Variants in MEGF9 observed in about 807,000 individuals in gnomAD.
MEGF9 encodes multiple EGF like domains 9.
Under a neutral mutation model 46.8 loss-of-function variants are expected in MEGF9, and 6 were observed. That is an observed-to-expected ratio of 0.13 (90% CI 0.07 to 0.25). The LOEUF is 0.25. Ranked by LOEUF, MEGF9 falls within the 10% of genes least tolerant of loss-of-function variation. MEGF9 has a pLI of 1.00. For synonymous variants in MEGF9, 302 were observed against 330.7 expected (o/e 0.91, Z 0.94); for missense variants, 683 against 792.4 (o/e 0.86, Z 1.66).
chr9:120,605,483 C>G lies in MEGF9; in HGVS notation c.1516G>C (p.Ala506Pro), dbSNP rs764998661. 48 of 1,613,870 alleles carry G rather than the reference C, an allele frequency of 3.0e-5. No homozygotes were observed. The Admixed American group carries it at 3.5e-4, about 12-fold the overall frequency. Reference sequence around the variant, plus strand: ...TTAAATTGGGTCCATGATACATCAGCTAAAGCTGAAGTGCTGTTTTCAGAA... The same window carrying G: ...TTAAATTGGGTCCATGATACATCAGGTAAAGCTGAAGTGCTGTTTTCAGAA... ...STSENSTSAL[A>P]DVSWTQFNII... Residue 506 changes from alanine (A) to proline (P), a missense_variant, in exon 6 of 6, where the codon GCT (alanine) becomes CCT (proline). This residue lies in a region of MEGF9 where 313 missense variants were observed against 421.1 expected (regional missense o/e 0.74). Transcript: ENST00000373930. This position sits in a 1 kb window ranked among gnomAD's most constrained non-coding sequence, Gnocchi z 4.0.
At chr9:120,697,725 C>T (rs1198433493) in intron 1 of MEGF9, among the ~76,000 whole-genome samples, 1 of 152,196 alleles carries the variant, frequency 6.6e-6, no homozygotes, top group African/African-American at 2.4e-5. Flanking sequence ...CTCCACTCCA[C>T]ACCCATATCT....
At chr9:120,674,947 C>T (rs535443976) in intron 1 of MEGF9, among the ~76,000 whole-genome samples, 7 of 150,688 alleles carry the variant, frequency 4.6e-5, no homozygotes, top group African/African-American at 1.5e-4. Flanking sequence ...GGCGCGATCT[C>T]GGCTCACTGC....
chr9:120,637,437 T>C (rs569310115), intron 2 of MEGF9, among the ~76,000 whole-genome samples: 27 of 147,762 alleles, frequency 1.8e-4, no homozygotes, highest in Middle Eastern at 7.0e-3. Context: ...AAAAAAAGTT[T>C]AAAAAAAAAG....
In MEGF9 at chr9:120,603,686, C is replaced by A. The variant is rs541196591; in HGVS notation, c.*1504G>T. The A allele has an allele frequency of 3.3e-5, 5 of 152,290 alleles. No homozygotes were observed. The East Asian group carries it at 9.6e-4, about 29-fold the overall frequency. The allele number at this position is 152,290 out of a possible 1,614,324, so 9.4% of individuals were successfully genotyped here. Reference sequence around the variant, plus strand: ...CTTGCTTAACCCAAAATGTCAATATCATAATAAACGAGAGCAACAGTAGTT... The same window carrying A: ...CTTGCTTAACCCAAAATGTCAATATAATAATAAACGAGAGCAACAGTAGTT... On this transcript the variant is annotated 3_prime_UTR_variant, in exon 6 of 6. Coordinates refer to ENST00000373930, the MANE Select transcript of MEGF9 (RefSeq NM_001080497.3).
chr9:120,607,591 C>T, intron 5 of MEGF9, 150 bp downstream of exon 5: 1 of 784,532 alleles, frequency 1.3e-6, no homozygotes, highest in Non-Finnish European at 2.0e-6. Context: ...AGAAGAGCAG[C>T]AGGAATGGAA....
rs201971897 is a variant in MEGF9, at chr9:120,605,573, G to A, written c.1426C>T (p.Pro476Ser). The stretch of plus-strand genomic sequence containing the variant: ...AAAGTACTATTTATAACAGGGGTGG[G>A]CACTGATGTGGTCAAAGAGGCATTG... ...VSNASLTTSVPTPVINSTFTP... is the reference protein window; with the variant it reads ...VSNASLTTSVSTPVINSTFTP... The change falls in exon 6 of 6, where the codon CCC becomes TCC. Residue 476 changes from proline (P) to serine (S), a missense_variant. By Grantham distance (74) the Pro-to-Ser change is moderately conservative. This residue lies in a region of MEGF9 where 313 missense variants were observed against 421.1 expected (regional missense o/e 0.74). Transcript: ENST00000373930. The surrounding 1 kb of genome is among the most constrained non-coding windows in gnomAD (Gnocchi z 4.0). The A allele has an allele frequency of 2.2e-4, 346 of 1,606,710 alleles. No homozygotes were observed. The highest frequency in any genetic ancestry group is 7.3e-4 in the African/African-American group (55 of 74,928).
chr9:120,617,724 G>A (rs1020776408), intron 3 of MEGF9, among the ~76,000 whole-genome samples: 3 of 152,202 alleles, frequency 2.0e-5, no homozygotes, highest in African/African-American at 4.8e-5. Flanking sequence ...AGAGAAGAGA[G>A]GAGGCTGAAA....
At chr9:120,697,767 G>C (rs2043884369) in intron 1 of MEGF9, among the ~76,000 whole-genome samples, 1 of 151,966 alleles carries the variant, frequency 6.6e-6, no homozygotes, top group African/African-American at 2.4e-5. Flanking sequence ...ATCTAATTTT[G>C]ATTTTCACAG....
intron 1 of MEGF9, among the ~76,000 whole-genome samples, chr9:120,665,629 C>T (rs942371272): frequency 1.3e-5 from 2 of 152,102 alleles, no homozygotes; most frequent in African/African-American, 4.8e-5. Context: ...ATCCATGTTT[C>T]CACAAATAGC....
In MEGF9 at chr9:120,701,999, C is replaced by T. The variant is rs1471222968; in HGVS notation, c.601+11759G>A. On this transcript the variant is annotated intron_variant, in intron 1 of 5. Coordinates refer to ENST00000373930, the MANE Select transcript of MEGF9 (RefSeq NM_001080497.3). ...CGGAGCTTGCAGTGAGCCGAGATCA[C>T]GCCACTGCTCTCCAGCCTAGGCGAC... is the stretch of plus-strand genomic sequence containing the variant. Among the ~76,000 whole-genome samples, 7 of 151,718 alleles carry T rather than the reference C, an allele frequency of 4.6e-5. No individual in the cohort carries two copies. The East Asian group carries it at 7.7e-4, about 17-fold the overall frequency.
In MEGF9 at chr9:120,644,362, T is replaced by A. The variant is rs2043617091; in HGVS notation, c.803+15012A>T. Among the ~76,000 whole-genome samples the A allele has an allele frequency of 2.0e-5, 3 of 152,230 alleles. 1 individual carries two copies. In the South Asian group the frequency reaches 6.2e-4, roughly 32 times the overall value. ...GGAAGACTATCACAAATGTAATGTATCTTTCTCATCTCATCACATTAGGGA... is the reference window on the plus strand; with the variant it reads ...GGAAGACTATCACAAATGTAATGTAACTTTCTCATCTCATCACATTAGGGA... On this transcript the variant is annotated intron_variant, in intron 2 of 5. Coordinates refer to ENST00000373930, the MANE Select transcript of MEGF9 (RefSeq NM_001080497.3).
At chr9:120,635,690 T>C (rs542100024) in intron 2 of MEGF9, among the ~76,000 whole-genome samples, 2 of 152,316 alleles carry the variant, frequency 1.3e-5, no homozygotes, top group South Asian at 4.1e-4. Flanking sequence ...GATTTCTATC[T>C]CTGTTGAATT....
At position 120,601,516 on chromosome 9, in the gene MEGF9, T is replaced by G. The variant is rs2043395875; in HGVS notation, c.*3674A>C. ...AGTAGGTCAGTGAGTATTGCTTTAA[T>G]GGTCAATTTACCTGGGAATATTGGC... On this transcript the variant is annotated 3_prime_UTR_variant, in exon 6 of 6. Transcript: ENST00000373930. 1 of 152,214 alleles carries G rather than the reference T, an allele frequency of 6.6e-6. No individual in the cohort carries two copies. Among genetic ancestry groups the G allele is most frequent in the Non-Finnish European group, 1.5e-5 (1 of 68,040 alleles). 9.4% of individuals were successfully genotyped at this position (152,214 alleles called of 1,614,324 possible).
At chr9:120,667,174 A>G (rs2043728893) in intron 1 of MEGF9, among the ~76,000 whole-genome samples, 1 of 152,210 alleles carries the variant, frequency 6.6e-6, no homozygotes, top group Non-Finnish European at 1.5e-5. Context: ...AACTATTTCA[A>G]CTGAACTTGG....
chr9:120,660,721 A>T (rs1469940506), intron 1 of MEGF9, among the ~76,000 whole-genome samples: 1 of 152,222 alleles, frequency 6.6e-6, no homozygotes, highest in African/African-American at 2.4e-5. Flanking sequence ...TCAAAAGGAA[A>T]GTGTTTTCAA....
chr9:120,643,164 G>A (rs563089422), intron 2 of MEGF9, among the ~76,000 whole-genome samples: 1 of 151,920 alleles, frequency 6.6e-6, no homozygotes, highest in Admixed American at 6.5e-5. Flanking sequence ...CATCCAGGGA[G>A]GAAAAAAAGC....
At chr9:120,687,096 G>T (rs1429003643) in intron 1 of MEGF9, among the ~76,000 whole-genome samples, 1 of 152,124 alleles carries the variant, frequency 6.6e-6, no homozygotes, top group African/African-American at 2.4e-5. Flanking sequence ...AGGAGAGAAT[G>T]GTTACACATA....
intron 1 of MEGF9, among the ~76,000 whole-genome samples, chr9:120,702,048 A>G (rs1016606179): frequency 6.6e-6 from 1 of 152,096 alleles, no homozygotes; most frequent in African/African-American, 2.4e-5. Flanking sequence ...GTCTCTAAAA[A>G]AAAAAATAAA....
At chr9:120,691,710 T>G (rs976610840) in intron 1 of MEGF9, among the ~76,000 whole-genome samples, 1 of 152,174 alleles carries the variant, frequency 6.6e-6, no homozygotes, top group Non-Finnish European at 1.5e-5. Flanking sequence ...TGATGTAGGC[T>G]GACAGACAGG....
Sources: gnomAD v4.1 joint callset for allele counts (sites outside exome capture counted in the v4.1 genomes callset) on GRCh38, gnomAD v4.1.1 for gene constraint, gnomAD v4.1.1 regional missense constraint, Gnocchi (gnomAD v3.1) non-coding constraint, MANE v1.5 for transcripts, NCBI Gene and HGNC (gene_info 2026-07-23, HGNC 2026-07-21) for gene names.